TARBP1: variants seen among roughly 807,000 people sequenced by gnomAD.
The protein encoded by TARBP1 is tRNA (guanosine(18)-2'-O)-methyltransferase TARBP1.
Under a neutral mutation model 178.6 loss-of-function variants are expected in TARBP1, and 144 were observed. That is an observed-to-expected ratio of 0.81 (90% CI 0.70 to 0.93). TARBP1 has a LOEUF of 0.93. TARBP1 is among the 40% of genes least tolerant of loss of function. The pLI, the probability that TARBP1 is intolerant of heterozygous loss-of-function variation, is 0.00. For synonymous variants in TARBP1, 787 were observed against 781.0 expected (o/e 1.01, Z -0.13); for missense variants, 2,067 against 2,011.7 (o/e 1.03, Z -0.53).
At chr1:234,413,049 A>G (rs1466106813) in intron 22 of TARBP1, among the ~76,000 whole-genome samples, 2 of 152,140 alleles carry the variant, frequency 1.3e-5, no homozygotes, top group African/African-American at 4.8e-5. Context: ...GAATATAAAG[A>G]GGTCCAGCTA....
In TARBP1 at chr1:234,463,334, G is replaced by T. The variant is rs189381888; in HGVS notation, c.1399+503C>A. On this transcript the variant is annotated intron_variant, in intron 6 of 29. Transcript: ENST00000040877. ...AGACAGAGTTTCGCTGTGTTGGCCA[G>T]GTTGGTCTCGAACTCCTGACCTCAG... Among the ~76,000 whole-genome samples the T allele has an allele frequency of 2.2e-3, 338 of 152,234 alleles. 1 individual carries two copies. The highest frequency in any genetic ancestry group is 8.0e-3 in the African/African-American group (332 of 41,534).
At chr1:234,404,975 C>T (rs773833092) in intron 24 of TARBP1, among the ~76,000 whole-genome samples, 5 of 152,264 alleles carry the variant, frequency 3.3e-5, no homozygotes, top group East Asian at 1.9e-4. Context: ...GAGGTACCCT[C>T]GCCCCAGCCC....
intron 25 of TARBP1, 88 bp from the exon 26 acceptor site, chr1:234,398,641 G>T: frequency 9.8e-7 from 1 of 1,015,872 alleles, no homozygotes. Context: ...AATTATTAAT[G>T]ATATATTCTC....
intron 9 of TARBP1, among the ~76,000 whole-genome samples, chr1:234,456,925 C>G (rs919895382): frequency 2.0e-5 from 3 of 152,164 alleles, no homozygotes; most frequent in Admixed American, 1.3e-4. Flanking sequence ...CAATTTGCCC[C>G]TTCTTCATTT....
At chr1:234,423,136 T>C (rs1364601868) in intron 20 of TARBP1, among the ~76,000 whole-genome samples, 1 of 152,216 alleles carries the variant, frequency 6.6e-6, no homozygotes, top group Non-Finnish European at 1.5e-5. Flanking sequence ...GACAAGCATT[T>C]TGCTTTTTCT....
At chr1:234,454,612 C>G (rs540138567) in intron 9 of TARBP1, among the ~76,000 whole-genome samples, 1 of 152,156 alleles carries the variant, frequency 6.6e-6, no homozygotes, top group South Asian at 2.1e-4. Context: ...AAAAACTAAA[C>G]AAAATCAAAA....
At chr1:234,405,489 T>C in intron 24 of TARBP1, 2 of 161,032 alleles carry the variant, frequency 1.2e-5, no homozygotes, top group Non-Finnish European at 2.7e-5. Flanking sequence ...GTCTGCGGAA[T>C]AGGAGAGTTC....
intron 20 of TARBP1, among the ~76,000 whole-genome samples, chr1:234,425,115 C>T (rs148787560): frequency 6.6e-6 from 1 of 151,780 alleles, no homozygotes; most frequent in East Asian, 1.9e-4. Context: ...ATCCCAGCTA[C>T]TCGGGTGGCT....
chr1:234,439,434 C>T (rs1445753916), intron 12 of TARBP1, among the ~76,000 whole-genome samples: 3 of 152,076 alleles, frequency 2.0e-5, no homozygotes, highest in African/African-American at 7.2e-5. Context: ...AGTATATGTA[C>T]TGCAATCCTA....
At position 234,471,179 on chromosome 1, in the gene TARBP1, A is replaced by G. The variant is rs757196428; in HGVS notation, c.1099+9T>C. The G allele has an allele frequency of 1.3e-6, 2 of 1,580,298 alleles. No individual in the cohort carries two copies. The highest frequency in any genetic ancestry group is 1.2e-5 in the South Asian group (1 of 84,862). Reference sequence around the variant, plus strand: ...TGTTATTAAAAAATAAAATAAAAGTAATCGTTACCATTTTCCTCTGACACC... The same window carrying G: ...TGTTATTAAAAAATAAAATAAAAGTGATCGTTACCATTTTCCTCTGACACC... On this transcript the variant is annotated intron_variant, in intron 3 of 29. Transcript: ENST00000040877.
chr1:234,432,715 G>A (rs913538199), intron 14 of TARBP1, among the ~76,000 whole-genome samples: 14 of 150,562 alleles, frequency 9.3e-5, no homozygotes, highest in African/African-American at 3.4e-4. Context: ...TAGGACACAT[G>A]CTTGTGATTT....
intron 9 of TARBP1, among the ~76,000 whole-genome samples, chr1:234,452,980 GATT>G (rs1666929368): frequency 1.3e-5 from 2 of 152,182 alleles, no homozygotes; most frequent in Non-Finnish European, 2.9e-5. Context: ...GGTCCTGTAT[GATT>G]CCAACTATGT....
At chr1:234,469,076 T>TAAA (rs1558255953) in intron 3 of TARBP1, among the ~76,000 whole-genome samples, 2 of 12,270 alleles carry the variant, frequency 1.6e-4, no homozygotes, top group African/African-American at 6.3e-4. Flanking sequence ...TTTTTTTTTT[T>TAAA]TAAAAAAAAA....
At chr1:234,429,726 C>T in intron 15 of TARBP1, 49 bp from the exon 16 acceptor site, 2 of 1,535,974 alleles carry the variant, frequency 1.3e-6, no homozygotes, top group Non-Finnish European at 1.7e-6. Context: ...AATTTGCCTC[C>T]ACGTCTTTTG....
intron 1 of TARBP1, among the ~76,000 whole-genome samples, chr1:234,477,903 G>A (rs930178526): frequency 6.6e-6 from 1 of 152,148 alleles, no homozygotes; most frequent in Non-Finnish European, 1.5e-5. Flanking sequence ...TCTTGCACGG[G>A]CTCCATTATC....
At chr1:234,473,367 A>G (rs271776) in intron 1 of TARBP1, among the ~76,000 whole-genome samples, 1 of 152,006 alleles carries the variant, frequency 6.6e-6, no homozygotes, top group African/African-American at 2.4e-5. Flanking sequence ...TCCCCAGGCC[A>G]CTTTCCTATG....
intron 3 of TARBP1, among the ~76,000 whole-genome samples, chr1:234,470,692 T>C (rs1022832508): frequency 1.3e-5 from 2 of 151,384 alleles, no homozygotes; most frequent in Admixed American, 6.6e-5. Flanking sequence ...CTTGGCTCAC[T>C]GCAACCTCCG....
chr1:234,472,347 A>C (rs1194734363), intron 2 of TARBP1, among the ~76,000 whole-genome samples: 1 of 150,742 alleles, frequency 6.6e-6, no homozygotes, highest in Admixed American at 6.6e-5. Flanking sequence ...AAAAAAAAAA[A>C]AAAAAAAAAA....
intron 19 of TARBP1, 22 bp downstream of exon 19, chr1:234,427,295 A>T (rs1416465818): frequency 1.3e-6 from 2 of 1,563,104 alleles, no homozygotes; most frequent in Non-Finnish European, 1.7e-6. Context: ...ATGTGAAGAC[A>T]GAGAAAATCT....
Sources: gnomAD v4.1 joint callset for allele counts (sites outside exome capture counted in the v4.1 genomes callset) on GRCh38, gnomAD v4.1.1 for gene constraint, MANE v1.5 for transcripts, NCBI Gene and HGNC (gene_info 2026-07-23, HGNC 2026-07-21) for gene names.